CNTN1: variants seen among roughly 807,000 people sequenced by gnomAD.
CNTN1 encodes the protein contactin 1, also known as contactin-1.
A neutral mutation model predicts 126.4 loss-of-function variants in CNTN1; 38 were observed. The ratio of observed to expected loss-of-function variants is 0.30; its 90% CI spans 0.23 to 0.39. The LOEUF is 0.39. CNTN1 is among the 10% of genes least tolerant of loss of function. The probability of loss-of-function intolerance (pLI) is 1.00; values close to 1 mark genes in which losing one functional copy is unlikely to be tolerated. For synonymous variants in CNTN1, 413 were observed against 422.6 expected (o/e 0.98, Z 0.28); for missense variants, 1,009 against 1,248.4 (o/e 0.81, Z 2.89).
chr12:40,907,630 G>T (rs1360848858), intron 1 of CNTN1, among the ~76,000 whole-genome samples: 1 of 152,108 alleles, frequency 6.6e-6, no homozygotes, highest in Non-Finnish European at 1.5e-5. Flanking sequence ...GTTTATATTA[G>T]TAATTTTATT....
intron 1 of CNTN1, among the ~76,000 whole-genome samples, chr12:40,795,498 AATAG>A (rs1485034215): frequency 1.3e-5 from 2 of 151,718 alleles, no homozygotes; most frequent in African/African-American, 4.8e-5. Context: ...ATATATTCAA[AATAG>A]ATGTATTTAG....
intron 16 of CNTN1, among the ~76,000 whole-genome samples, chr12:40,981,950 A>T (rs1188078324): frequency 6.6e-6 from 1 of 152,066 alleles, no homozygotes; most frequent in East Asian, 1.9e-4. Flanking sequence ...AAAAAAAAAA[A>T]AATACTCTAA....
At chr12:40,717,523 C>G (rs924757129) in intron 1 of CNTN1, among the ~76,000 whole-genome samples, 4 of 152,090 alleles carry the variant, frequency 2.6e-5, no homozygotes, top group Admixed American at 1.3e-4. Context: ...AGCTACCCAT[C>G]CAAATTGGTA....
intron 21 of CNTN1, 116 bp downstream of exon 21, chr12:41,025,452 C>A: frequency 2.1e-6 from 2 of 949,226 alleles, no homozygotes; most frequent in Non-Finnish European, 3.4e-6. Flanking sequence ...TTTTCAATAT[C>A]CTTTACAGCC....
chr12:40,920,515 G>C (rs531481647), intron 4 of CNTN1, among the ~76,000 whole-genome samples: 1 of 152,002 alleles, frequency 6.6e-6, no homozygotes, highest in South Asian at 2.1e-4. Context: ...AAAAGTGGGG[G>C]GAAAGAACAG....
At chr12:40,917,806 A>C (rs1945298178) in intron 3 of CNTN1, among the ~76,000 whole-genome samples, 1 of 152,154 alleles carries the variant, frequency 6.6e-6, no homozygotes, top group African/African-American at 2.4e-5. Context: ...CTTCCCTGCC[A>C]GGGAGAATAG....
intron 1 of CNTN1, among the ~76,000 whole-genome samples, chr12:40,707,290 C>T (rs1272394897): frequency 2.3e-5 from 3 of 127,832 alleles, no homozygotes. Flanking sequence ...GCTCCATCGC[C>T]CAGGCTGGAG....
At position 41,014,297 on chromosome 12, in the gene CNTN1, C is replaced by T. The variant is rs201782849; in HGVS notation, c.2183C>T (p.Ala728Val). Reference protein sequence around the residue: ...GRNRELTITWAPLSREYHYGN... With the variant: ...GRNRELTITWVPLSREYHYGN... ...AACAGAGAGCTGACCATAACATGGG[C>T]GGTAAGTATTGATGAGTTGCACATA... The change falls in exon 18 of 24, where the codon GCG becomes GTG. Residue 728 changes from alanine to valine, a missense_variant and splice_region_variant. Ala to Val is a moderately conservative substitution (Grantham distance 64). Transcript: ENST00000551295. 3.2e-5 allele frequency: 52 copies of T among 1,613,522 alleles called. No homozygotes were observed. Among genetic ancestry groups the T allele is most frequent in the African/African-American group, 2.5e-4 (19 of 74,888 alleles).
chr12:40,980,440 C>A (rs11611881), intron 15 of CNTN1, among the ~76,000 whole-genome samples: 37,865 of 136,268 alleles, frequency 0.28, 5,422 homozygotes, highest in South Asian at 0.36. Flanking sequence ...CAGAGTGAGA[C>A]CCTAACTCAA....
intron 6 of CNTN1, 78 bp downstream of exon 6, chr12:40,924,730 A>T (rs1281013618): frequency 2.6e-6 from 2 of 772,260 alleles, no homozygotes; most frequent in South Asian, 2.8e-5. Context: ...TAATAATGCT[A>T]CATTATTAAT....
At chr12:40,937,016 C>CCTTT in intron 10 of CNTN1, 111 bp downstream of exon 10, 2 of 1,366,364 alleles carry the variant, frequency 1.5e-6, no homozygotes, top group Non-Finnish European at 2.1e-6. Flanking sequence ...GCACTTGGGC[C>CCTTT]CTGAAATATA....
At chr12:40,841,696 T>C (rs1942290157) in intron 1 of CNTN1, among the ~76,000 whole-genome samples, 1 of 151,794 alleles carries the variant, frequency 6.6e-6, no homozygotes, top group Admixed American at 6.6e-5. Flanking sequence ...TTCCAATAGA[T>C]GCAGAAAAAA....
At chr12:40,818,833 C>T (rs34797157) in intron 1 of CNTN1, among the ~76,000 whole-genome samples, 5,100 of 152,216 alleles carry the variant, frequency 0.034, 118 homozygotes, top group Middle Eastern at 0.11. Context: ...TTTGAGGCTG[C>T]TGACCTTTGG....
At chr12:41,036,426 A>G (rs1320419627) in intron 23 of CNTN1, among the ~76,000 whole-genome samples, 1 of 152,202 alleles carries the variant, frequency 6.6e-6, no homozygotes, top group Admixed American at 6.5e-5. Context: ...TTAGAGAACC[A>G]AGCCAAATGT....
intron 1 of CNTN1, among the ~76,000 whole-genome samples, chr12:40,844,266 C>T (rs1435762729): frequency 1.3e-5 from 2 of 151,448 alleles, no homozygotes; most frequent in Non-Finnish European, 2.9e-5. Flanking sequence ...CGGGGTTTCA[C>T]CGTATTGGCC....
intron 1 of CNTN1, among the ~76,000 whole-genome samples, chr12:40,880,441 G>T (rs978754531): frequency 1.8e-4 from 27 of 151,984 alleles, no homozygotes; most frequent in African/African-American, 6.5e-4. Context: ...AAGTTTTCAG[G>T]ATATAATGAT....
intron 1 of CNTN1, among the ~76,000 whole-genome samples, chr12:40,899,384 C>A (rs983492140): frequency 2.6e-5 from 4 of 152,076 alleles, no homozygotes; most frequent in Non-Finnish European, 4.4e-5. Flanking sequence ...AAGTCAGAAA[C>A]CTTCTAGTTA....
intron 15 of CNTN1, among the ~76,000 whole-genome samples, chr12:40,979,641 C>G (rs759231284): frequency 6.6e-5 from 10 of 151,996 alleles, no homozygotes; most frequent in Non-Finnish European, 1.5e-4. Context: ...AATGTCTATA[C>G]TAGGAGCTGT....
At chr12:40,787,246 A>G (rs1246402491) in intron 1 of CNTN1, among the ~76,000 whole-genome samples, 1 of 152,134 alleles carries the variant, frequency 6.6e-6, no homozygotes, top group Non-Finnish European at 1.5e-5. Flanking sequence ...GAACAATTCC[A>G]TGGTCTCTCC....
Sources: allele counts gnomAD v4.1 joint callset (sites outside exome capture counted in the v4.1 genomes callset), GRCh38; gene constraint gnomAD v4.1.1; transcripts MANE v1.5; gene names NCBI Gene and HGNC (gene_info 2026-07-23, HGNC 2026-07-21).